The following GPC5 variants were observed in gnomAD, a reference collection of about 807,000 sequenced individuals.
The protein encoded by GPC5 is glypican 5.
GPC5 carries 47 observed loss-of-function variants against 53.9 expected under a neutral mutation model. The observed-to-expected ratio is 0.87, with a 90% CI of 0.69 to 1.11. The LOEUF is 1.11. Among genes scored for constraint, GPC5 ranks in the 50% most tolerant of loss-of-function variants. The probability of loss-of-function intolerance (pLI) is 0.00; values close to 1 mark genes in which losing one functional copy is unlikely to be tolerated. For missense variants in GPC5, 748 were observed against 713.1 expected, an observed-to-expected ratio of 1.05 and a Z score of -0.56; for synonymous variants, 286 against 263.3, an observed-to-expected ratio of 1.09 and a Z score of -0.84.
chr13:92,595,405 A>G (rs931983452), intron 7 of GPC5, among the ~76,000 whole-genome samples: 4 of 152,212 alleles, frequency 2.6e-5, no homozygotes, highest in African/African-American at 9.6e-5. Flanking sequence ...CAATGTTTGC[A>G]GTAAGAGTCG....
chr13:92,126,253 A>G (rs2041696485), intron 6 of GPC5, among the ~76,000 whole-genome samples: 1 of 152,118 alleles, frequency 6.6e-6, no homozygotes, highest in Non-Finnish European at 1.5e-5. Flanking sequence ...GCACCTGGCC[A>G]AAATATTTCA....
chr13:92,463,975 G>T (rs1382382285), intron 7 of GPC5, among the ~76,000 whole-genome samples: 1 of 152,082 alleles, frequency 6.6e-6, no homozygotes, highest in African/African-American at 2.4e-5. Context: ...TAAATTCAGG[G>T]GAGGTGTGAG....
At chr13:91,630,647 C>T (rs2034132565) in intron 2 of GPC5, among the ~76,000 whole-genome samples, 1 of 152,046 alleles carries the variant, frequency 6.6e-6, no homozygotes, top group Non-Finnish European at 1.5e-5. Context: ...GAGGGCCTGT[C>T]CCCAAATTAC....
At chr13:91,574,092 A>C (rs187379863) in intron 2 of GPC5, among the ~76,000 whole-genome samples, 1 of 152,294 alleles carries the variant, frequency 6.6e-6, no homozygotes, top group Admixed American at 6.5e-5. Flanking sequence ...ATTGCTAACT[A>C]TGATGTAAAT....
At chr13:92,696,918 C>T (rs1044977721) in intron 7 of GPC5, among the ~76,000 whole-genome samples, 2 of 152,292 alleles carry the variant, frequency 1.3e-5, no homozygotes, top group South Asian at 4.1e-4. Context: ...CTGCATATGG[C>T]TAGCCAGTTT....
chr13:92,021,776 A>G (rs866814157), intron 6 of GPC5, among the ~76,000 whole-genome samples: 2 of 152,224 alleles, frequency 1.3e-5, no homozygotes, highest in East Asian at 3.8e-4. Flanking sequence ...ATAAATCCAT[A>G]TAAACAGATC....
intron 7 of GPC5, among the ~76,000 whole-genome samples, chr13:92,516,437 T>G (rs750014028): frequency 6.6e-6 from 1 of 152,184 alleles, no homozygotes; most frequent in Non-Finnish European, 1.5e-5. Flanking sequence ...GGGATAAAAC[T>G]TCTTCCTGCT....
chr13:92,590,507 T>C (rs1334122684), intron 7 of GPC5, among the ~76,000 whole-genome samples: 2 of 152,232 alleles, frequency 1.3e-5, no homozygotes, highest in Non-Finnish European at 2.9e-5. Context: ...CCTTTGTTTC[T>C]TCCCACTGCT....
At chr13:91,453,646 T>G (rs1412207229) in intron 2 of GPC5, among the ~76,000 whole-genome samples, 1 of 151,434 alleles carries the variant, frequency 6.6e-6, no homozygotes, top group East Asian at 1.9e-4. Flanking sequence ...GGGAGACTTA[T>G]TTCTATGTGT....
chr13:92,036,654 C>A (rs2040895295), intron 6 of GPC5, among the ~76,000 whole-genome samples: 1 of 152,218 alleles, frequency 6.6e-6, no homozygotes. Flanking sequence ...TGACTCCTCC[C>A]TCAACATGGA....
chr13:92,165,887 A>T (rs2042024018), intron 7 of GPC5, among the ~76,000 whole-genome samples: 1 of 152,176 alleles, frequency 6.6e-6, no homozygotes, highest in African/African-American at 2.4e-5. Context: ...GATGCATTGA[A>T]TTCTTTGCCC....
intron 6 of GPC5, among the ~76,000 whole-genome samples, chr13:92,094,451 G>A (rs1438181962): frequency 6.8e-6 from 1 of 147,296 alleles, no homozygotes; most frequent in Non-Finnish European, 1.5e-5. Flanking sequence ...AACCTGGGAG[G>A]CGGAGCTTGC....
intron 7 of GPC5, among the ~76,000 whole-genome samples, chr13:92,286,493 C>T: frequency 6.6e-6 from 1 of 152,088 alleles, no homozygotes; most frequent in East Asian, 1.9e-4. Context: ...CCCAAATGTC[C>T]ATCAATGATA....
At chr13:91,421,357 AGTT>A (rs1878618322) in intron 1 of GPC5, among the ~76,000 whole-genome samples, 1 of 152,160 alleles carries the variant, frequency 6.6e-6, no homozygotes, top group South Asian at 2.1e-4. Flanking sequence ...ATTGTATTCT[AGTT>A]ATAAAAGAGC....
At chr13:92,757,156 A>G (rs1382988723) in intron 7 of GPC5, among the ~76,000 whole-genome samples, 5 of 152,174 alleles carry the variant, frequency 3.3e-5, no homozygotes, top group African/African-American at 7.2e-5. Flanking sequence ...GGAACAGAAC[A>G]GAGCCCTCTG....
At chr13:91,923,763 A>G (rs1448341773) in intron 6 of GPC5, among the ~76,000 whole-genome samples, 3 of 152,164 alleles carry the variant, frequency 2.0e-5, no homozygotes, top group Non-Finnish European at 4.4e-5. Context: ...ATCTGGGAAT[A>G]TATTATCAAA....
chr13:91,571,938 TGTATATACATATACAC>T (rs2031869971), intron 2 of GPC5, among the ~76,000 whole-genome samples: 1 of 118,510 alleles, frequency 8.4e-6, no homozygotes, highest in Non-Finnish European at 1.8e-5. Flanking sequence ...TATACACACA[TGTATATACATATACAC>T]ACATATATGT....
chr13:91,636,914 A>G (rs2034299865), intron 2 of GPC5, among the ~76,000 whole-genome samples: 1 of 152,230 alleles, frequency 6.6e-6, no homozygotes, highest in Non-Finnish European at 1.5e-5. Context: ...GCTATGATCC[A>G]GTACCCCTAT....
intron 7 of GPC5, among the ~76,000 whole-genome samples, chr13:92,699,395 G>A (rs1185352143): frequency 8.7e-5 from 13 of 149,906 alleles, no homozygotes; most frequent in Admixed American, 6.6e-4. Context: ...GATTCATTGA[G>A]TTTTTGAAGG....
Sources: gnomAD v4.1 joint callset for allele counts (sites outside exome capture counted in the v4.1 genomes callset) on GRCh38, gnomAD v4.1.1 for gene constraint, MANE v1.5 for transcripts, NCBI Gene and HGNC (gene_info 2026-07-23, HGNC 2026-07-21) for gene names.